The following KIAA1217 variants were observed in gnomAD, a reference collection of about 807,000 sequenced individuals.
KIAA1217 encodes sickle tail protein homolog.
A neutral mutation model predicts 163.9 loss-of-function variants in KIAA1217; 88 were observed. The ratio of observed to expected loss-of-function variants is 0.54; its 90% CI spans 0.45 to 0.64. The LOEUF is 0.64. Among genes scored for constraint, KIAA1217 ranks in the 30% least tolerant of loss-of-function variants. The probability of loss-of-function intolerance (pLI) is 0.00; values close to 1 mark genes in which losing one functional copy is unlikely to be tolerated. For synonymous variants in KIAA1217, 903 were observed against 923.1 expected (o/e 0.98, Z 0.39); for missense variants, 2,372 against 2,475.0 (o/e 0.96, Z 0.88).
chr10:24,441,293 T>G (rs2060477862), intron 5 of KIAA1217, among the ~76,000 whole-genome samples: 1 of 152,076 alleles, frequency 6.6e-6, no homozygotes, highest in Non-Finnish European at 1.5e-5. Flanking sequence ...GCTGCCTGCT[T>G]ATGACCAATA....
chr10:24,396,585 T>C (rs567301316), intron 3 of KIAA1217, among the ~76,000 whole-genome samples: 1 of 152,132 alleles, frequency 6.6e-6, no homozygotes, highest in African/African-American at 2.4e-5. Flanking sequence ...AGGGGGAGCC[T>C]CACTGAGAAG....
At chr10:23,956,560 A>G (rs1564564475) in intron 1 of KIAA1217, among the ~76,000 whole-genome samples, 1 of 152,134 alleles carries the variant, frequency 6.6e-6, no homozygotes, top group Non-Finnish European at 1.5e-5. Flanking sequence ...TACTGCAAAG[A>G]CATTCCCTGT....
chr10:24,083,211 A>G (rs958589891), intron 2 of KIAA1217, among the ~76,000 whole-genome samples: 2 of 152,174 alleles, frequency 1.3e-5, no homozygotes, highest in African/African-American at 4.8e-5. Context: ...AACAAGGAGG[A>G]GCTAAGGGGC....
intron 3 of KIAA1217, among the ~76,000 whole-genome samples, chr10:24,423,977 T>C (rs895489273): frequency 1.3e-5 from 2 of 152,156 alleles, no homozygotes; most frequent in African/African-American, 4.8e-5. Context: ...AAAAAAATAA[T>C]TGACAGATAG....
intron 1 of KIAA1217, among the ~76,000 whole-genome samples, chr10:23,864,339 G>A (rs992225706): frequency 7.9e-5 from 12 of 152,016 alleles, no homozygotes; most frequent in African/African-American, 2.9e-4. Flanking sequence ...ACAAGTTAAT[G>A]TTCCTTAGCC....
chr10:24,514,255 T>C (rs1221785643), intron 10 of KIAA1217, among the ~76,000 whole-genome samples: 1 of 152,206 alleles, frequency 6.6e-6, no homozygotes, highest in Non-Finnish European at 1.5e-5. Context: ...GTGTTGATAA[T>C]TCTCTTGTTT....
At chr10:23,799,378 T>C (rs1216144921) in intron 1 of KIAA1217, among the ~76,000 whole-genome samples, 2 of 152,206 alleles carry the variant, frequency 1.3e-5, no homozygotes, top group South Asian at 2.1e-4. Flanking sequence ...TCATGTAAGA[T>C]AATGTTTATG....
intron 2 of KIAA1217, among the ~76,000 whole-genome samples, chr10:24,008,978 C>G (rs923712934): frequency 6.6e-6 from 1 of 152,150 alleles, no homozygotes; most frequent in Non-Finnish European, 1.5e-5. Flanking sequence ...GTACAAGCAG[C>G]AAGAGATCAA....
At chr10:24,128,578 T>G (rs990000380) in intron 2 of KIAA1217, among the ~76,000 whole-genome samples, 6 of 152,326 alleles carry the variant, frequency 3.9e-5, no homozygotes, top group African/African-American at 1.4e-4. Flanking sequence ...CCATGGGGAC[T>G]CATTCATCCA....
chr10:24,020,385 A>C (rs980272040), intron 2 of KIAA1217, among the ~76,000 whole-genome samples: 1 of 152,110 alleles, frequency 6.6e-6, no homozygotes, highest in Non-Finnish European at 1.5e-5. Flanking sequence ...AAACTTGATA[A>C]GAAATGAATG....
At chr10:24,390,230 CA>C (rs1248620448) in intron 3 of KIAA1217, among the ~76,000 whole-genome samples, 2 of 151,982 alleles carry the variant, frequency 1.3e-5, no homozygotes, top group Non-Finnish European at 2.9e-5. Flanking sequence ...GGAAATAGGA[CA>C]AGTGCTGGAG....
Position 24,544,365 on chromosome 10 carries a change from T to C in KIAA1217, c.5095T>C (p.Ser1699Pro), listed in dbSNP as rs1384061854. 1 of 1,614,062 alleles carries C rather than the reference T, an allele frequency of 6.2e-7. No individual in the cohort carries two copies. Among genetic ancestry groups the C allele is most frequent in the Non-Finnish European group, 8.5e-7 (1 of 1,180,014 alleles). ...VDTSCSSNRD[S>P]VASSSHIAQE... is the part of the protein sequence containing the mutation. ...TACCTCATGTTCTTCCAACAGAGAT[T>C]CTGTTGCAAGTTCATCCCACATAGC... Residue 1699 changes from serine to proline, a missense_variant, in exon 19 of 21, where the codon TCT becomes CCT. Around this residue, in one of 3 missense-constraint regions of KIAA1217, gnomAD observed 690 missense variants for 677.5 expected, o/e 1.02. Coordinates refer to ENST00000376454, the MANE Select transcript of KIAA1217 (RefSeq NM_019590.5).
At position 24,543,420 on chromosome 10, in the gene KIAA1217, G is replaced by C; in HGVS notation, c.4150G>C (p.Ala1384Pro). The C allele has an allele frequency of 6.2e-7, 1 of 1,614,106 alleles. No individual in the cohort carries two copies. Among genetic ancestry groups the C allele is most frequent in the Non-Finnish European group, 8.5e-7 (1 of 1,180,024 alleles). The change falls in exon 19 of 21, where the codon GCC (alanine) becomes CCC (proline). Residue 1384 changes from alanine to proline, a missense_variant. Transcript: ENST00000376454. ...TEENAATDNI[A>P]FMITETTVQV... ...AGAAAATGCAGCCACTGACAATATT[G>C]CCTTCATGATTACCGAAACCACTGT...
rs753048867 is a variant in KIAA1217 at position 24,543,224 on chromosome 10, C to T, written c.3954C>T (p.His1318=). The change falls in exon 19 of 21, where the codon CAC becomes CAT. Residue 1318 remains histidine, a synonymous_variant. Coordinates refer to ENST00000376454, the MANE Select transcript of KIAA1217 (RefSeq NM_019590.5). ...AAAAGCAAAATACGGATAAGTGTCA[C>T]GTTTCCTCTCACACTAGACTAACAG... is the stretch of plus-strand genomic sequence containing the variant. The part of the protein sequence containing the change: ...EMEKQNTDKC[H]VSSHTRLTES... The T allele has an allele frequency of 1.4e-5, 23 of 1,613,372 alleles. No individual in the cohort carries two copies. Among genetic ancestry groups the T allele is most frequent in the African/African-American group, 6.7e-5 (5 of 74,690 alleles).
intron 5 of KIAA1217, among the ~76,000 whole-genome samples, chr10:24,465,651 C>T (rs986554094): frequency 2.6e-5 from 4 of 152,166 alleles, no homozygotes; most frequent in South Asian, 2.1e-4. Context: ...TGCCTGGGAG[C>T]GCAGGAGATG....
At chr10:24,472,066 G>A (rs1019160532) in intron 5 of KIAA1217, among the ~76,000 whole-genome samples, 4 of 152,038 alleles carry the variant, frequency 2.6e-5, no homozygotes, top group Non-Finnish European at 5.9e-5. Context: ...CTAGAGAAAA[G>A]CAAATGTTCT....
intron 8 of KIAA1217, among the ~76,000 whole-genome samples, chr10:24,497,690 AGCCTGAGTGACAGAGC>A (rs1207369587): frequency 6.6e-6 from 1 of 151,434 alleles, no homozygotes; most frequent in African/African-American, 2.4e-5. Context: ...ACTGCACTTC[AGCCTGAGTGACAGAGC>A]AAGACCTTGT....
chr10:23,785,100 T>G (rs1231395542), intron 1 of KIAA1217, among the ~76,000 whole-genome samples: 2 of 151,974 alleles, frequency 1.3e-5, no homozygotes, highest in African/African-American at 4.8e-5. Flanking sequence ...GAGTAACAAC[T>G]GGCTAGTGTG....
chr10:24,238,300 T>C (rs2131241794), intron 2 of KIAA1217, among the ~76,000 whole-genome samples: 1 of 152,272 alleles, frequency 6.6e-6, no homozygotes. Flanking sequence ...TATGATAAAC[T>C]CCTATGGGTT....
Sources: gnomAD v4.1 joint callset for allele counts (sites outside exome capture counted in the v4.1 genomes callset) on GRCh38, gnomAD v4.1.1 for gene constraint, gnomAD v4.1.1 regional missense constraint, MANE v1.5 for transcripts, NCBI Gene and HGNC (gene_info 2026-07-23, HGNC 2026-07-21) for gene names.